Variants in PDE7B observed in about 807,000 individuals in gnomAD.
PDE7B encodes the protein phosphodiesterase 7B.
PDE7B carries 29 observed loss-of-function variants against 56.2 expected under a neutral mutation model. That is an observed-to-expected ratio of 0.52 (90% CI 0.38 to 0.70). The LOEUF (loss-of-function observed/expected upper bound fraction) is 0.70, where lower values mean the gene tolerates loss of function less well. PDE7B is among the 30% of genes least tolerant of loss of function. The pLI is 0.00. For synonymous variants in PDE7B, 197 were observed against 196.9 expected (o/e 1.00, Z 0.00); for missense variants, 490 against 565.0 (o/e 0.87, Z 1.35).
intron 8 of PDE7B, among the ~76,000 whole-genome samples, chr6:136,172,029 G>A (rs1778892150): frequency 1.3e-5 from 2 of 151,998 alleles, no homozygotes; most frequent in South Asian, 2.1e-4. Context: ...TCTTAATCCA[G>A]TCTATCATTG....
intron 12 of PDE7B, among the ~76,000 whole-genome samples, chr6:136,190,533 C>T (rs1484098784): frequency 2.0e-5 from 3 of 152,160 alleles, no homozygotes; most frequent in Non-Finnish European, 4.4e-5. Flanking sequence ...GGCTGAAAAA[C>T]ATTTGCCTTT....
intron 3 of PDE7B, among the ~76,000 whole-genome samples, chr6:136,130,601 C>A (rs550578552): frequency 6.6e-6 from 1 of 152,288 alleles, no homozygotes; most frequent in African/African-American, 2.4e-5. Flanking sequence ...CCTGCCACAG[C>A]TGAAGTGGAA....
At chr6:136,012,320 A>C (rs1775908863) in intron 2 of PDE7B, among the ~76,000 whole-genome samples, 2 of 152,102 alleles carry the variant, frequency 1.3e-5, no homozygotes, top group African/African-American at 4.8e-5. Flanking sequence ...CACACTGTGA[A>C]TTTTAGATCC....
At chr6:135,928,473 A>ATATATATTTATT (rs1562442865) in intron 1 of PDE7B, among the ~76,000 whole-genome samples, 18 of 114,464 alleles carry the variant, frequency 1.6e-4, no homozygotes, top group South Asian at 8.5e-4. Flanking sequence ...ATTTATTTAT[A>ATATATATTTATT]TATATATATT....
At chr6:136,156,137 A>C (rs1392403649) in intron 8 of PDE7B, 1 of 360,646 alleles carries the variant, frequency 2.8e-6, no homozygotes, top group East Asian at 7.3e-5. Flanking sequence ...TGTCCCTGTA[A>C]GGAAAGAGAA....
chr6:135,987,524 G>T (rs181086860), intron 2 of PDE7B, among the ~76,000 whole-genome samples: 26 of 152,214 alleles, frequency 1.7e-4, no homozygotes, highest in African/African-American at 6.0e-4. Context: ...CCAGAACTGA[G>T]CCTTCTTCCC....
chr6:135,976,386 A>G (rs997588525), intron 2 of PDE7B, among the ~76,000 whole-genome samples: 10 of 152,100 alleles, frequency 6.6e-5, no homozygotes, highest in Non-Finnish European at 1.0e-4. Flanking sequence ...GGTCAATTGT[A>G]CTGTTTCCCC....
intron 2 of PDE7B, among the ~76,000 whole-genome samples, chr6:136,104,322 A>G (rs1019059048): frequency 1.3e-5 from 2 of 152,188 alleles, no homozygotes; most frequent in African/African-American, 4.8e-5. Flanking sequence ...TGCCAGAAGA[A>G]AAAAAACAAG....
At chr6:135,905,445 C>T (rs904573712) in intron 1 of PDE7B, among the ~76,000 whole-genome samples, 1 of 151,584 alleles carries the variant, frequency 6.6e-6, no homozygotes, top group Non-Finnish European at 1.5e-5. Context: ...GAAACACTAA[C>T]CAGATTCCAA....
chr6:135,858,638 C>A (rs1209825676), intron 1 of PDE7B, among the ~76,000 whole-genome samples: 1 of 152,122 alleles, frequency 6.6e-6, no homozygotes, highest in Non-Finnish European at 1.5e-5. Flanking sequence ...GCCCTCTGGG[C>A]ACCAGCTTTC....
At chr6:135,895,894 C>T (rs1008047371) in intron 1 of PDE7B, among the ~76,000 whole-genome samples, 8 of 152,102 alleles carry the variant, frequency 5.3e-5, no homozygotes, top group Non-Finnish European at 2.9e-5. Flanking sequence ...CCACTGATTC[C>T]ATCACACTCC....
At chr6:136,099,084 G>T (rs909024095) in intron 2 of PDE7B, among the ~76,000 whole-genome samples, 5 of 151,994 alleles carry the variant, frequency 3.3e-5, no homozygotes, top group African/African-American at 1.2e-4. Context: ...CTTCATCCAT[G>T]TCCCTGCAAA....
chr6:135,993,909 A>G (rs1775516994), intron 2 of PDE7B, among the ~76,000 whole-genome samples: 1 of 152,218 alleles, frequency 6.6e-6, no homozygotes, highest in African/African-American at 2.4e-5. Flanking sequence ...ACTCGGGTCT[A>G]TCCAAAGAGA....
At chr6:136,044,354 T>A (rs552856882) in intron 2 of PDE7B, 4 of 152,296 alleles carry the variant, frequency 2.6e-5, no homozygotes, top group Admixed American at 2.6e-4. Context: ...CTCAATACAT[T>A]TTGATATGTG....
At chr6:136,016,720 C>T (rs1035256714) in intron 2 of PDE7B, among the ~76,000 whole-genome samples, 1 of 151,886 alleles carries the variant, frequency 6.6e-6, no homozygotes, top group African/African-American at 2.4e-5. Flanking sequence ...CGGACAAGTT[C>T]AACCACCTGC....
chr6:135,957,134 A>G (rs550198967), intron 2 of PDE7B, among the ~76,000 whole-genome samples: 3 of 152,114 alleles, frequency 2.0e-5, no homozygotes, highest in Non-Finnish European at 4.4e-5. Context: ...AAGCATGGAG[A>G]TAGAGACAGG....
At chr6:135,967,290 A>G (rs1245567203) in intron 2 of PDE7B, among the ~76,000 whole-genome samples, 1 of 152,102 alleles carries the variant, frequency 6.6e-6, no homozygotes, top group Non-Finnish European at 1.5e-5. Flanking sequence ...TGTAACCCCA[A>G]CTTTAACTGC....
intron 2 of PDE7B, among the ~76,000 whole-genome samples, chr6:136,048,301 A>G (rs1464160434): frequency 6.6e-6 from 1 of 152,128 alleles, no homozygotes; most frequent in East Asian, 1.9e-4. Context: ...AGGCAGGTGG[A>G]TCACCTGAGG....
intron 2 of PDE7B, among the ~76,000 whole-genome samples, chr6:136,048,143 G>A (rs1221344020): frequency 2.6e-5 from 4 of 151,444 alleles, no homozygotes; most frequent in Non-Finnish European, 5.9e-5. Context: ...TATACTAAAT[G>A]TGCATACACA....
Sources: gnomAD v4.1 joint callset for allele counts (sites outside exome capture counted in the v4.1 genomes callset) on GRCh38, gnomAD v4.1.1 for gene constraint, MANE v1.5 for transcripts, NCBI Gene and HGNC (gene_info 2026-07-23, HGNC 2026-07-21) for gene names.